EXD3: variants seen among roughly 807,000 people sequenced by gnomAD.
EXD3 encodes the protein exonuclease mut-7 homolog.
In EXD3, 92 loss-of-function variants were observed where a neutral mutation model predicts 98.0. That is an observed-to-expected ratio of 0.94 (90% CI 0.79 to 1.12). The LOEUF is 1.12. Among genes scored for constraint, EXD3 ranks in the 50% most tolerant of loss-of-function variants. The pLI is 0.00. For missense variants in EXD3, 1,222 were observed against 1,191.6 expected (o/e 1.03, Z -0.38); for synonymous variants, 569 against 526.0 (o/e 1.08, Z -1.12).
At chr9:137,420,246 C>G (rs979919173) in intron 1 of EXD3, among the ~76,000 whole-genome samples, 2 of 151,560 alleles carry the variant, frequency 1.3e-5, no homozygotes, top group African/African-American at 2.4e-5. Context: ...TTGTTGTTAT[C>G]GAAACCTTGC....
At chr9:137,330,110 A>C (rs142075907) in intron 17 of EXD3, among the ~76,000 whole-genome samples, 1,239 of 57,260 alleles carry the variant, frequency 0.022, 42 homozygotes, top group South Asian at 0.041. Context: ...CACAGGAGCT[A>C]CACAGGAGCT....
intron 1 of EXD3, among the ~76,000 whole-genome samples, chr9:137,416,384 C>A (rs1263554333): frequency 6.6e-6 from 1 of 152,194 alleles, no homozygotes; most frequent in South Asian, 2.1e-4. Context: ...CCCATCAGGC[C>A]GGGCACCCCC....
intron 5 of EXD3, among the ~76,000 whole-genome samples, chr9:137,372,127 T>C (rs879794299): frequency 1.3e-5 from 2 of 152,168 alleles, no homozygotes; most frequent in Non-Finnish European, 2.9e-5. Context: ...CAGACACCTT[T>C]AGCTGCCAAG....
chr9:137,374,036 G>A (rs750457242), intron 3 of EXD3, among the ~76,000 whole-genome samples: 1 of 152,264 alleles, frequency 6.6e-6, no homozygotes, highest in African/African-American at 2.4e-5. Context: ...ACCCGCAGGA[G>A]ATTTGGGAAA....
At chr9:137,343,288 C>T (rs1833741991) in intron 17 of EXD3, 1 of 152,170 alleles carries the variant, frequency 6.6e-6, no homozygotes, top group Non-Finnish European at 1.5e-5. Context: ...GCATGGTGTT[C>T]AGCAATTTTA....
intron 1 of EXD3, among the ~76,000 whole-genome samples, chr9:137,417,937 G>C (rs1838315213): frequency 6.6e-6 from 1 of 152,192 alleles, no homozygotes; most frequent in African/African-American, 2.4e-5. Flanking sequence ...TGCAAGGACT[G>C]GGGTGGGACC....
intron 18 of EXD3, 99 bp from the exon 19 acceptor site, chr9:137,323,955 G>A (rs942250428): frequency 5.9e-6 from 9 of 1,526,048 alleles, no homozygotes; most frequent in East Asian, 2.5e-5. Flanking sequence ...GCCTTCTCTC[G>A]GCCCACCAGG....
chr9:137,329,334 C>G (rs1302582968), intron 17 of EXD3, among the ~76,000 whole-genome samples: 1 of 19,556 alleles, frequency 5.1e-5, no homozygotes, highest in Non-Finnish European at 8.3e-5. Flanking sequence ...ACGGGAGCTA[C>G]ACGGGGCTAC....
intron 3 of EXD3, 121 bp from the exon 4 acceptor site, chr9:137,373,720 C>G: frequency 8.8e-7 from 1 of 1,138,840 alleles, no homozygotes; most frequent in South Asian, 1.6e-5. Flanking sequence ...TGTGGCCATT[C>G]AGCCGCCATC....
At chr9:137,314,888 G>A (rs930322417) in intron 19 of EXD3, among the ~76,000 whole-genome samples, 7 of 152,342 alleles carry the variant, frequency 4.6e-5, no homozygotes, top group Non-Finnish European at 5.9e-5. Flanking sequence ...GCACACGTGC[G>A]CAACAGCCAG....
intron 3 of EXD3, among the ~76,000 whole-genome samples, chr9:137,381,443 A>T (rs9414730): frequency 6.8e-6 from 1 of 147,790 alleles, no homozygotes. Context: ...AAAAAAAGAC[A>T]GGAACACCCC....
chr9:137,332,535 C>T lies in EXD3; in HGVS notation c.1999-8392G>A, dbSNP rs539668563. The stretch of plus-strand genomic sequence containing the variant: ...CTGGGAGGCGGAGGTTCCAGTGAGC[C>T]GAGATTGTTAAAGGGTACATGGTAT... On this transcript the variant is annotated intron_variant, in intron 17 of 21. Transcript: ENST00000340951. Among the ~76,000 whole-genome samples, 303 of 149,656 alleles carry T rather than the reference C, an allele frequency of 2.0e-3. 1 individual carries two copies. The highest frequency in any genetic ancestry group is 6.0e-3 in the African/African-American group (245 of 40,572).
rs1179633341 is a variant in EXD3 at position 137,407,828 on chromosome 9, G to A, written c.-47-12424C>T. Among the ~76,000 whole-genome samples the A allele has an allele frequency of 2.0e-5, 3 of 151,560 alleles. No individual in the cohort carries two copies. The highest frequency in any genetic ancestry group is 4.2e-4 in the South Asian group (2 of 4,784). On this transcript the variant is annotated intron_variant, in intron 1 of 21. Coordinates refer to ENST00000340951, the MANE Select transcript of EXD3 (RefSeq NM_017820.5). The surrounding 1 kb of genome is among the most constrained non-coding windows in gnomAD (Gnocchi z 4.4). ...GCCGGCTGGACCCAAGGACACACGC[G>A]GGAGGCGGGAGGCGGGAGGGGCACA...
rs945470638 is a variant in EXD3 at position 137,372,971 on chromosome 9, C to T, written c.396G>A (p.Gln132=). ...AAPLASIFQL[Q]DADRSCLLAH... ...CCAGCAGGCAGCTCCTGTCTGCATC[C>T]TGCAGCTGGAAGATGCTGGCCAGTG... Residue 132 remains glutamine (Q), a synonymous_variant, in exon 5 of 22, where the codon CAG becomes CAA. Coordinates refer to ENST00000340951, the MANE Select transcript of EXD3 (RefSeq NM_017820.5). 4 of 1,603,994 alleles carry T rather than the reference C, an allele frequency of 2.5e-6. No individual in the cohort carries two copies. The highest frequency in any genetic ancestry group is 2.5e-6 in the Non-Finnish European group (3 of 1,179,748).
At chr9:137,325,648 G>A (rs547894268) in intron 17 of EXD3, among the ~76,000 whole-genome samples, 1 of 152,208 alleles carries the variant, frequency 6.6e-6, no homozygotes, top group African/African-American at 2.4e-5. Flanking sequence ...GGCCAGGCTG[G>A]TCTCAAACTC....
Position 137,352,058 on chromosome 9 carries a change from G to A in EXD3, c.1173+8C>T, listed in dbSNP as rs1253852961. ...ACCGGGCGCTGCCCCAGCGGCCGAG[G>A]GAACCACCTGCAGGAGTGCACCCTC... On this transcript the variant is annotated splice_region_variant and intron_variant, in intron 12 of 21. Transcript: ENST00000340951. The A allele has an allele frequency of 3.1e-6, 5 of 1,608,866 alleles. 1 individual carries two copies. The South Asian group carries it at 4.4e-5, about 14-fold the overall frequency.
At chr9:137,353,852 G>A (rs1227385051) in intron 10 of EXD3, 2 of 987,028 alleles carry the variant, frequency 2.0e-6, no homozygotes, top group East Asian at 2.3e-4. Context: ...CTGGCTTCAG[G>A]CCCAGCAGCC....
intron 1 of EXD3, among the ~76,000 whole-genome samples, chr9:137,422,360 C>A (rs572087009): frequency 6.6e-6 from 1 of 152,056 alleles, no homozygotes; most frequent in Non-Finnish European, 1.5e-5. Flanking sequence ...ATGTTAAGTG[C>A]CAGAAAGCAT....
chr9:137,349,996 G>C lies in EXD3; in HGVS notation c.1495-465C>G, dbSNP rs1834175889. ...CTGGGGTGGCGTGTGTGCCCAGAGAGGGGTGGGGATCACGGGGAAGGTGCT... is the reference window on the plus strand; with the variant it reads ...CTGGGGTGGCGTGTGTGCCCAGAGACGGGTGGGGATCACGGGGAAGGTGCT... On this transcript the variant is annotated intron_variant, in intron 14 of 21. Coordinates refer to ENST00000340951, the MANE Select transcript of EXD3 (RefSeq NM_017820.5). The surrounding 1 kb of genome is among the most constrained non-coding windows in gnomAD (Gnocchi z 7.4). Among the ~76,000 whole-genome samples, 1 of 150,764 alleles carries C rather than the reference G, an allele frequency of 6.6e-6. No homozygotes were observed. Among genetic ancestry groups the C allele is most frequent in the Non-Finnish European group, 1.5e-5 (1 of 67,724 alleles).
Sources: gnomAD v4.1 joint callset for allele counts (sites outside exome capture counted in the v4.1 genomes callset) on GRCh38, gnomAD v4.1.1 for gene constraint, Gnocchi (gnomAD v3.1) non-coding constraint, MANE v1.5 for transcripts, NCBI Gene and HGNC (gene_info 2026-07-23, HGNC 2026-07-21) for gene names.